Variants in ITGA11 observed in about 807,000 individuals in gnomAD.
ITGA11 encodes integrin alpha-11.
ITGA11 carries 97 observed loss-of-function variants against 141.9 expected under a neutral mutation model. The ratio of observed to expected loss-of-function variants is 0.68; its 90% CI spans 0.58 to 0.81. ITGA11 has a LOEUF of 0.81. Among genes scored for constraint, ITGA11 ranks in the 30% least tolerant of loss-of-function variants. ITGA11 has a pLI of 0.00. For synonymous variants in ITGA11, 658 were observed against 624.6 expected, an observed-to-expected ratio of 1.05 and a Z score of -0.80; for missense variants, 1,387 against 1,559.2, an observed-to-expected ratio of 0.89 and a Z score of 1.86.
intron 1 of ITGA11, among the ~76,000 whole-genome samples, chr15:68,404,245 C>A (rs1402831005): frequency 6.6e-6 from 1 of 152,150 alleles, no homozygotes; most frequent in Admixed American, 6.5e-5. Flanking sequence ...GCCATGGGCG[C>A]CGGCACTGGG....
intron 1 of ITGA11, among the ~76,000 whole-genome samples, chr15:68,417,768 A>G (rs1356933130): frequency 6.6e-6 from 1 of 152,204 alleles, no homozygotes; most frequent in African/African-American, 2.4e-5. Flanking sequence ...TTTGTCTGGA[A>G]CATTCTTCCC....
chr15:68,313,697 A>G, intron 23 of ITGA11, 82 bp downstream of exon 23: 2 of 1,066,516 alleles, frequency 1.9e-6, no homozygotes, highest in East Asian at 2.5e-5. Context: ...ATTAGGGCCC[A>G]TCAGAGGATG....
At chr15:68,314,497 T>C (rs985487021) in intron 22 of ITGA11, among the ~76,000 whole-genome samples, 3 of 152,190 alleles carry the variant, frequency 2.0e-5, no homozygotes, top group South Asian at 2.1e-4. Flanking sequence ...GCTTGTTATA[T>C]AGACTGAGTT....
intron 1 of ITGA11, among the ~76,000 whole-genome samples, chr15:68,431,143 G>C (rs564807232): frequency 6.6e-6 from 1 of 152,248 alleles, no homozygotes; most frequent in African/African-American, 2.4e-5. Context: ...CGGGGAGCCC[G>C]GTGTGGGACG....
rs572157984 is a variant in ITGA11 at position 68,402,991 on chromosome 15, G to T, written c.91C>A (p.Arg31=). Residue 31 remains arginine, a synonymous_variant, in exon 2 of 30, where the codon CGG becomes AGG. Transcript: ENST00000315757. ...GCGGTCCTGGAGCCAGGGATGACCC[G>T]GGGCTTCCTGGTGTCCATGTTGAAG... The part of the protein sequence containing the change: ...DTFNMDTRKP[R]VIPGSRTAFF... 6.2e-7 allele frequency: 1 copy of T among 1,613,520 alleles called. No individual in the cohort carries two copies. Among genetic ancestry groups the T allele is most frequent in the South Asian group, 1.1e-5 (1 of 90,948 alleles).
intron 1 of ITGA11, among the ~76,000 whole-genome samples, chr15:68,425,044 G>A (rs548942457): frequency 4.6e-5 from 7 of 152,228 alleles, no homozygotes; most frequent in Non-Finnish European, 7.3e-5. Context: ...CAGAGACCGC[G>A]CTTTATCTAA....
At chr15:68,411,743 G>A (rs1246933117) in intron 1 of ITGA11, among the ~76,000 whole-genome samples, 1 of 152,176 alleles carries the variant, frequency 6.6e-6, no homozygotes, top group Non-Finnish European at 1.5e-5. Flanking sequence ...AAAGAGGAGA[G>A]TATATTTCCC....
At position 68,302,927 on chromosome 15, in the gene ITGA11, C is replaced by A; in HGVS notation, c.*132G>T. ...TCTGGAGGGAGCAGGCGCCATTGCT[C>A]GGGAGATGAGGTCAAGTGCAAAGCC... On this transcript the variant is annotated 3_prime_UTR_variant, in exon 30 of 30. Coordinates refer to ENST00000315757, the MANE Select transcript of ITGA11 (RefSeq NM_001004439.2). The A allele has an allele frequency of 1.5e-6, 1 of 676,528 alleles. No individual in the cohort carries two copies. The highest frequency in any genetic ancestry group is 2.5e-6 in the Non-Finnish European group (1 of 397,552). 41.9% of individuals were successfully genotyped at this position (676,528 alleles called of 1,614,324 possible).
intron 2 of ITGA11, among the ~76,000 whole-genome samples, chr15:68,375,686 T>A (rs544746740): frequency 6.6e-6 from 1 of 152,282 alleles, no homozygotes; most frequent in East Asian, 1.9e-4. Flanking sequence ...CATCCCTTAC[T>A]CTCCCTCCAT....
Position 68,332,022 on chromosome 15 carries a change from C to A in ITGA11, c.1607G>T (p.Ser536Ile), listed in dbSNP as rs531155681. 3.7e-6 allele frequency: 6 copies of A among 1,610,730 alleles called. 1 individual carries two copies. The South Asian group carries it at 6.7e-5, about 18-fold the overall frequency. The change falls in exon 14 of 30, where the codon AGT becomes ATT. Residue 536 changes from serine (S) to isoleucine (I), a missense_variant. Coordinates refer to ENST00000315757, the MANE Select transcript of ITGA11 (RefSeq NM_001004439.2). ...GGACCCAAATCGGGCATTCTGGTAA[C>A]TGTGTGAATCCTTTAGCGTTCCGTT... ...VYNGTLKDSH[S>I]YQNARFGSSI...
chr15:68,343,644 C>A (rs539946367), intron 10 of ITGA11, among the ~76,000 whole-genome samples: 1 of 152,178 alleles, frequency 6.6e-6, no homozygotes, highest in African/African-American at 2.4e-5. Context: ...GATGGGAGAC[C>A]CCTAGAGGAC....
chr15:68,356,624 G>C (rs756582425), intron 7 of ITGA11, among the ~76,000 whole-genome samples: 1 of 152,128 alleles, frequency 6.6e-6, no homozygotes, highest in Non-Finnish European at 1.5e-5. Flanking sequence ...AAATGACCTC[G>C]CTGTTCATCC....
intron 2 of ITGA11, among the ~76,000 whole-genome samples, chr15:68,373,626 T>G (rs1895651557): frequency 6.6e-6 from 1 of 152,186 alleles, no homozygotes; most frequent in Non-Finnish European, 1.5e-5. Context: ...TAGCTCAGGT[T>G]AGGAGAGTTT....
chr15:68,303,683 A>C lies in ITGA11; in HGVS notation c.3495+89T>G. ...GGTGCCAGCTCCCCTGGAGAGGAGA[A>C]CGTGGCAGCGGCCACGAAGTTCCAG... On this transcript the variant is annotated intron_variant, in intron 29 of 29. Transcript: ENST00000315757. The surrounding 1 kb of genome is among the most constrained non-coding windows in gnomAD (Gnocchi z 5.3). 1.2e-6 allele frequency: 1 copy of C among 843,300 alleles called. No individual in the cohort carries two copies. The highest frequency in any genetic ancestry group is 1.9e-6 in the Non-Finnish European group (1 of 518,876). 52.2% of individuals were successfully genotyped at this position (843,300 alleles called of 1,614,324 possible).
chr15:68,365,547 GGTGT>G (rs58398705), intron 3 of ITGA11: 133,025 of 149,488 alleles, frequency 0.89, 59,519 homozygotes, highest in Non-Finnish European at 0.94. Flanking sequence ...AGTGTGTTGG[GGTGT>G]GTGTGTGTGT....
intron 2 of ITGA11, among the ~76,000 whole-genome samples, chr15:68,394,694 G>T (rs146808884): frequency 1.3e-5 from 2 of 151,936 alleles, no homozygotes; most frequent in African/African-American, 4.8e-5. Flanking sequence ...TAGCAAGACT[G>T]ATAAAAAATA....
chr15:68,339,367 A>G, intron 11 of ITGA11, 133 bp downstream of exon 11: 2 of 1,010,610 alleles, frequency 2.0e-6, no homozygotes, highest in South Asian at 3.2e-5. Context: ...GATGCTCTTC[A>G]GAGTTGGGTG....
chr15:68,401,990 C>G (rs1451173277), intron 2 of ITGA11, among the ~76,000 whole-genome samples: 3 of 144,204 alleles, frequency 2.1e-5, no homozygotes, highest in Non-Finnish European at 3.0e-5. Context: ...TCTGGGGAAA[C>G]AGCAATGCTG....
Position 68,303,869 on chromosome 15 carries a change from G to A in ITGA11, c.3398C>T (p.Ser1133Phe). ...GGGGACCTGCCAGTCCTCTTGCTTG[G>A]AGATCTCAAACACGATCTGCAAGGG... Reference protein sequence around the residue: ...DPSRQIVFEISKQEDWQVPIW... With the variant: ...DPSRQIVFEIFKQEDWQVPIW... The change falls in exon 29 of 30, where the codon TCC (serine) becomes TTC (phenylalanine). Residue 1133 changes from serine (S) to phenylalanine (F), a missense_variant. Physicochemically the swap from Ser to Phe is radical, Grantham distance 155. Transcript: ENST00000315757. This position sits in a 1 kb window ranked among gnomAD's most constrained non-coding sequence, Gnocchi z 5.3. 6.2e-7 allele frequency: 1 copy of A among 1,611,512 alleles called. No homozygotes were observed. Among genetic ancestry groups the A allele is most frequent in the South Asian group, 1.1e-5 (1 of 90,876 alleles).
Sources: gnomAD v4.1 joint callset for allele counts (sites outside exome capture counted in the v4.1 genomes callset) on GRCh38, gnomAD v4.1.1 for gene constraint, Gnocchi (gnomAD v3.1) non-coding constraint, MANE v1.5 for transcripts, NCBI Gene and HGNC (gene_info 2026-07-23, HGNC 2026-07-21) for gene names.